Variants in TMEM131 observed in about 807,000 individuals in gnomAD.
The protein encoded by TMEM131 is transmembrane protein 131, also known as 2610524E03Rik.
TMEM131 carries 66 observed loss-of-function variants against 211.6 expected under a neutral mutation model. The observed-to-expected ratio is 0.31, with a 90% CI of 0.26 to 0.38. The LOEUF is 0.38. Among genes scored for constraint, TMEM131 ranks in the 10% least tolerant of loss-of-function variants. The pLI, the probability that TMEM131 is intolerant of heterozygous loss-of-function variation, is 1.00. For synonymous variants in TMEM131, 844 were observed against 841.3 expected (o/e 1.00, Z -0.06); for missense variants, 2,036 against 2,299.3 (o/e 0.89, Z 2.34).
intron 2 of TMEM131, among the ~76,000 whole-genome samples, chr2:97,923,876 T>A (rs968573826): frequency 1.4e-4 from 21 of 151,860 alleles, no homozygotes; most frequent in African/African-American, 4.3e-4. Context: ...GTCAGGAGAT[T>A]GAGACCATCC....
chr2:97,762,386 G>A (rs187147234), intron 35 of TMEM131, 186 bp from the exon 36 acceptor site: 2 of 558,086 alleles, frequency 3.6e-6, no homozygotes, highest in East Asian at 3.6e-5. Flanking sequence ...CTCTGCACTC[G>A]GGGATTTGAG....
intron 1 of TMEM131, among the ~76,000 whole-genome samples, chr2:97,967,423 TAC>T (rs1301046195): frequency 1.3e-5 from 2 of 152,078 alleles, no homozygotes; most frequent in East Asian, 3.9e-4. Context: ...CATAAAACAG[TAC>T]AGTGTGTAAA....
At chr2:97,772,509 A>G (rs1679514809) in intron 32 of TMEM131, 85 bp from the exon 33 acceptor site, 1 of 1,425,352 alleles carries the variant, frequency 7.0e-7, no homozygotes, top group Admixed American at 2.4e-5. Context: ...ACACAAAATC[A>G]AAGATGTAAA....
intron 11 of TMEM131, among the ~76,000 whole-genome samples, chr2:97,832,356 G>A (rs538641607): frequency 4.6e-5 from 7 of 152,266 alleles, no homozygotes; most frequent in Admixed American, 3.9e-4. Context: ...AGGCTGGTTT[G>A]CTTGGGCTAA....
At chr2:97,948,956 C>G (rs1185147074) in intron 1 of TMEM131, among the ~76,000 whole-genome samples, 2 of 152,294 alleles carry the variant, frequency 1.3e-5, no homozygotes, top group Middle Eastern at 3.4e-3. Context: ...CGTGCCAGGC[C>G]AGTAGTTTCT....
chr2:97,862,393 A>G (rs1202828841), intron 4 of TMEM131, among the ~76,000 whole-genome samples: 1 of 152,242 alleles, frequency 6.6e-6, no homozygotes, highest in Non-Finnish European at 1.5e-5. Flanking sequence ...ATAAGGCACC[A>G]GGGACCAATC....
At chr2:97,972,443 G>A (rs1225973028) in intron 1 of TMEM131, among the ~76,000 whole-genome samples, 1 of 147,478 alleles carries the variant, frequency 6.8e-6, no homozygotes, top group Non-Finnish European at 1.5e-5. Flanking sequence ...AAAGGGGAGG[G>A]AGGGAGGGAG....
intron 3 of TMEM131, among the ~76,000 whole-genome samples, chr2:97,895,742 G>A (rs1333180976): frequency 3.3e-5 from 5 of 151,626 alleles, no homozygotes; most frequent in Non-Finnish European, 7.4e-5. Flanking sequence ...TTATTGCATC[G>A]ATTTGATTCT....
intron 2 of TMEM131, among the ~76,000 whole-genome samples, chr2:97,915,866 A>G (rs1235485773): frequency 6.6e-6 from 1 of 152,144 alleles, no homozygotes; most frequent in African/African-American, 2.4e-5. Flanking sequence ...GACTTTGCAT[A>G]CCATTTTAGT....
At chr2:97,827,262 G>A in intron 11 of TMEM131, 2 of 780,932 alleles carry the variant, frequency 2.6e-6, no homozygotes, top group Non-Finnish European at 2.4e-6. Flanking sequence ...CCAAGAGGAA[G>A]GTCAGCTCCG....
intron 2 of TMEM131, 31 bp from the exon 3 acceptor site, chr2:97,908,729 A>G (rs977818687): frequency 1.3e-6 from 2 of 1,574,424 alleles, no homozygotes; most frequent in Admixed American, 3.4e-5. Flanking sequence ...TGATTAAAAA[A>G]CTGAAGCCAA....
intron 1 of TMEM131, among the ~76,000 whole-genome samples, chr2:97,983,274 A>C (rs1679878889): frequency 6.6e-6 from 1 of 152,158 alleles, no homozygotes; most frequent in African/African-American, 2.4e-5. Flanking sequence ...TGACAGTCTC[A>C]AGTAGTAGCA....
intron 5 of TMEM131, among the ~76,000 whole-genome samples, chr2:97,849,924 A>T (rs1202010499): frequency 6.6e-6 from 1 of 151,832 alleles, no homozygotes; most frequent in Non-Finnish European, 1.5e-5. Flanking sequence ...AAAATCTTGA[A>T]ATGAAGTAGA....
At chr2:97,771,560 A>G (rs913597654) in intron 33 of TMEM131, among the ~76,000 whole-genome samples, 9 of 152,246 alleles carry the variant, frequency 5.9e-5, no homozygotes, top group African/African-American at 2.2e-4. Context: ...ACAACCCACA[A>G]GCGGGTAGAC....
At chr2:97,849,714 T>A (rs56954126) in intron 5 of TMEM131, among the ~76,000 whole-genome samples, 100 of 123,466 alleles carry the variant, frequency 8.1e-4, no homozygotes, top group African/African-American at 2.9e-3. Flanking sequence ...TATCTCTCTC[T>A]CTCTTTTTTT....
chr2:97,987,509 C>CA (rs1301717363), intron 1 of TMEM131, among the ~76,000 whole-genome samples: 4 of 151,554 alleles, frequency 2.6e-5, no homozygotes, highest in South Asian at 2.1e-4. Flanking sequence ...CTCAAAAAAA[C>CA]AAAAAAACAA....
At chr2:97,963,642 G>C (rs1481382379) in intron 1 of TMEM131, among the ~76,000 whole-genome samples, 1 of 152,220 alleles carries the variant, frequency 6.6e-6, no homozygotes, top group Non-Finnish European at 1.5e-5. Context: ...TTGAACCAGG[G>C]AGACGGAGGT....
At chr2:97,947,357 G>C (rs1439531616) in intron 1 of TMEM131, among the ~76,000 whole-genome samples, 1 of 151,870 alleles carries the variant, frequency 6.6e-6, no homozygotes, top group Non-Finnish European at 1.5e-5. Context: ...TTTGATTCTG[G>C]TACAATTTTT....
At chr2:97,889,591 A>AAT (rs1675297877) in intron 3 of TMEM131, among the ~76,000 whole-genome samples, 1 of 148,808 alleles carries the variant, frequency 6.7e-6, no homozygotes, top group South Asian at 2.1e-4. Context: ...CCTATAATGT[A>AAT]ATATATATTC....
Sources: allele counts gnomAD v4.1 joint callset (sites outside exome capture counted in the v4.1 genomes callset), GRCh38; gene constraint gnomAD v4.1.1; transcripts MANE v1.5; gene names NCBI Gene and HGNC (gene_info 2026-07-23, HGNC 2026-07-21).